BCL2L13: variants seen among roughly 807,000 people sequenced by gnomAD.
The protein encoded by BCL2L13 is bcl-2-like protein 13.
In BCL2L13, 13 loss-of-function variants were observed where a neutral mutation model predicts 25.8. The observed-to-expected ratio is 0.50, with a 90% CI of 0.33 to 0.80. BCL2L13 has a LOEUF of 0.80. Among genes scored for constraint, BCL2L13 ranks in the 30% least tolerant of loss-of-function variants. The probability of loss-of-function intolerance (pLI) is 0.02; values close to 1 mark genes in which losing one functional copy is unlikely to be tolerated. For missense variants in BCL2L13, 504 were observed against 574.9 expected, an observed-to-expected ratio of 0.88 and a Z score of 1.26; for synonymous variants, 244 against 230.3, an observed-to-expected ratio of 1.06 and a Z score of -0.54.
intron 2 of BCL2L13, among the ~76,000 whole-genome samples, chr22:17,658,273 ATATG>A (rs1375928585): frequency 6.6e-6 from 1 of 152,184 alleles, no homozygotes; most frequent in African/African-American, 2.4e-5. Flanking sequence ...GAATACATGA[ATATG>A]TATGTATGTA....
chr22:17,662,461 G>C (rs2059103966), intron 2 of BCL2L13, among the ~76,000 whole-genome samples: 1 of 152,164 alleles, frequency 6.6e-6, no homozygotes, highest in Non-Finnish European at 1.5e-5. Flanking sequence ...CTAGGCGACA[G>C]AGTGAGACTC....
At chr22:17,635,452 G>A (rs2058089192), upstream of BCL2L13, among the ~76,000 whole-genome samples, 1 of 152,012 alleles carries the variant, frequency 6.6e-6, no homozygotes, top group South Asian at 2.1e-4. Context: ...TCTATAAAAG[G>A]GCTATATTAT....
At chr22:17,676,965 GTTA>G (rs1191752243) in intron 2 of BCL2L13, among the ~76,000 whole-genome samples, 1 of 152,156 alleles carries the variant, frequency 6.6e-6, no homozygotes, top group Non-Finnish European at 1.5e-5. Flanking sequence ...GTTTATCAAA[GTTA>G]TTTACTTAGG....
intron 1 of BCL2L13, among the ~76,000 whole-genome samples, chr22:17,653,648 G>A (rs2058757952): frequency 6.6e-6 from 1 of 151,686 alleles, no homozygotes; most frequent in African/African-American, 2.4e-5. Context: ...AGGACTACAG[G>A]CGCATGCCAC....
At chr22:17,715,316 G>C (rs1193306063) in intron 6 of BCL2L13, among the ~76,000 whole-genome samples, 2 of 147,572 alleles carry the variant, frequency 1.4e-5, no homozygotes, top group Non-Finnish European at 3.0e-5. Context: ...TGAGTAGCTG[G>C]GACTACAGGC....
chr22:17,664,599 C>T (rs552361277), intron 2 of BCL2L13, among the ~76,000 whole-genome samples: 3 of 152,354 alleles, frequency 2.0e-5, no homozygotes, highest in Non-Finnish European at 2.9e-5. Context: ...CATTTCCCTT[C>T]TGCACTGCCC....
intron 1 of BCL2L13, among the ~76,000 whole-genome samples, chr22:17,643,448 A>G (rs777999436): frequency 1.3e-5 from 2 of 151,816 alleles, no homozygotes; most frequent in Non-Finnish European, 2.9e-5. Flanking sequence ...TTTCAGAGAA[A>G]GTCTTACAAT....
chr22:17,717,387 G>T (rs991556724), intron 6 of BCL2L13, among the ~76,000 whole-genome samples: 2 of 91,274 alleles, frequency 2.2e-5, no homozygotes, highest in Admixed American at 9.2e-5. Context: ...TCTCAAAAAA[G>T]ATCCAATGTT....
intron 2 of BCL2L13, among the ~76,000 whole-genome samples, chr22:17,670,566 G>T (rs76595660): frequency 0.015 from 2,253 of 151,850 alleles, 56 homozygotes; most frequent in African/African-American, 0.05. Flanking sequence ...TAGAGATGGG[G>T]TTTCTCCATG....
Position 17,659,404 on chromosome 22 carries a change from G to A in BCL2L13, c.121+3572G>A, listed in dbSNP as rs1048857034. 2.7e-5 allele frequency among the ~76,000 whole-genome samples: 4 copies of A among 145,546 alleles called. 1 individual carries two copies. Among genetic ancestry groups the A allele is most frequent in the Non-Finnish European group, 6.2e-5 (4 of 64,002 alleles). On this transcript the variant is annotated intron_variant, in intron 2 of 6. Transcript: ENST00000317582. ...TGGCTGGGTTGGGTGGCTCACGTCT[G>A]TAATCCCAGCATTTCGGGAGGCTGA...
chr22:17,649,415 A>G (rs553174587), intron 1 of BCL2L13, among the ~76,000 whole-genome samples: 12 of 152,136 alleles, frequency 7.9e-5, no homozygotes, highest in African/African-American at 2.2e-4. Context: ...AATTTAAAGC[A>G]TTTATTCAAA....
At chr22:17,642,038 A>G (rs1000111151) in intron 1 of BCL2L13, among the ~76,000 whole-genome samples, 1 of 150,160 alleles carries the variant, frequency 6.7e-6, no homozygotes, top group Non-Finnish European at 1.5e-5. Context: ...TGACCTTATT[A>G]TCTGCCCATG....
intron 6 of BCL2L13, among the ~76,000 whole-genome samples, chr22:17,717,738 A>G (rs1278344100): frequency 6.6e-6 from 1 of 152,114 alleles, no homozygotes; most frequent in African/African-American, 2.4e-5. Context: ...TTTTTTTTAT[A>G]TCATCCAAGT....
intron 4 of BCL2L13, 38 bp from the exon 5 acceptor site, chr22:17,696,103 C>T (rs2060256428): frequency 3.9e-6 from 6 of 1,526,620 alleles, no homozygotes; most frequent in Non-Finnish European, 5.4e-6. Flanking sequence ...CAGAATTTTC[C>T]TTCTTTGTGA....
intron 2 of BCL2L13, among the ~76,000 whole-genome samples, chr22:17,682,650 C>T (rs1294825338): frequency 6.6e-6 from 1 of 152,176 alleles, no homozygotes; most frequent in Non-Finnish European, 1.5e-5. Flanking sequence ...TCTGAAGATT[C>T]AGCTCAATTT....
intron 1 of BCL2L13, among the ~76,000 whole-genome samples, chr22:17,643,067 A>G (rs1313758555): frequency 2.6e-5 from 4 of 152,314 alleles, no homozygotes; most frequent in South Asian, 4.1e-4. Flanking sequence ...CTAGGACGGG[A>G]TGAAAGTAAG....
At chr22:17,656,121 G>A (rs2058846374) in intron 2 of BCL2L13, among the ~76,000 whole-genome samples, 1 of 150,930 alleles carries the variant, frequency 6.6e-6, no homozygotes, top group Non-Finnish European at 1.5e-5. Context: ...TGCGCCTGTA[G>A]TCCAGCTACT....
chr22:17,694,149 A>G (rs946027987), intron 4 of BCL2L13, among the ~76,000 whole-genome samples: 1 of 152,014 alleles, frequency 6.6e-6, no homozygotes, highest in Non-Finnish European at 1.5e-5. Context: ...GATTTTTTTA[A>G]TTTTAAATCT....
intron 1 of BCL2L13, 91 bp from the exon 2 acceptor site, chr22:17,655,569 CAA>C (rs1025358655): frequency 1.9e-6 from 2 of 1,030,740 alleles, no homozygotes; most frequent in African/African-American, 3.3e-5. Flanking sequence ...GACTCTACCT[CAA>C]AAGAGTTGCA....
Sources: gnomAD v4.1 joint callset for allele counts (sites outside exome capture counted in the v4.1 genomes callset) on GRCh38, gnomAD v4.1.1 for gene constraint, MANE v1.5 for transcripts, NCBI Gene and HGNC (gene_info 2026-07-23, HGNC 2026-07-21) for gene names.